Variants in BRAT1 observed in about 807,000 individuals in gnomAD.
The protein encoded by BRAT1 is integrator complex assembly factor BRAT1.
A neutral mutation model predicts 70.6 loss-of-function variants in BRAT1; 74 were observed. The ratio of observed to expected loss-of-function variants is 1.05; its 90% CI spans 0.87 to 1.27. BRAT1 has a LOEUF of 1.27. BRAT1 is among the 50% of genes most tolerant of loss of function. BRAT1 has a pLI of 0.00. For synonymous variants in BRAT1, 615 were observed against 517.1 expected (o/e 1.19, Z -2.57); for missense variants, 1,203 against 1,098.2 (o/e 1.10, Z -1.35).
At position 2,543,863 on chromosome 7, in the gene BRAT1, C is replaced by G. The variant is rs571634693; in HGVS notation, c.530G>C (p.Arg177Pro). 3 of 1,612,818 alleles carry G rather than the reference C, an allele frequency of 1.9e-6. No individual in the cohort carries two copies. Among genetic ancestry groups the G allele is most frequent in the East Asian group, 2.2e-5 (1 of 44,860 alleles). ...LLVHVLALSM[R>P]GGAEGQPCLP... is the part of the protein sequence containing the mutation. Reference sequence around the variant, plus strand: ...GCAGGGCTGCCCCTCGGCTCCACCTCGCATGGACAAAGCCAGGACGTGCAC... The same window carrying G: ...GCAGGGCTGCCCCTCGGCTCCACCTGGCATGGACAAAGCCAGGACGTGCAC... Residue 177 changes from arginine to proline, a missense_variant, in exon 5 of 14, where the codon CGA becomes CCA. Arg to Pro is a moderately radical substitution (Grantham distance 103, BLOSUM62 -2). Coordinates refer to ENST00000340611, the MANE Select transcript of BRAT1 (RefSeq NM_152743.4). The surrounding 1 kb of genome is among the most constrained non-coding windows in gnomAD (Gnocchi z 5.5).
intron 2 of BRAT1, among the ~76,000 whole-genome samples, chr7:2,550,171 A>G (rs1426348274): frequency 7.7e-6 from 1 of 129,146 alleles, no homozygotes; most frequent in East Asian, 2.0e-4. Flanking sequence ...TCCAAAAAAA[A>G]AAGAAAAAAA....
At chr7:2,552,558 C>T (rs539389892) in intron 2 of BRAT1, among the ~76,000 whole-genome samples, 30 of 149,734 alleles carry the variant, frequency 2.0e-4, no homozygotes, top group Admixed American at 3.3e-4. Flanking sequence ...AGACCCCATC[C>T]TTAAAAAAAA....
chr7:2,548,052 C>G (rs4721777), intron 2 of BRAT1, among the ~76,000 whole-genome samples: 2 of 147,730 alleles, frequency 1.4e-5, no homozygotes, highest in African/African-American at 5.1e-5. Context: ...TCATTGCACA[C>G]GGCACACTCC....
At chr7:2,551,426 C>A (rs4719567) in intron 2 of BRAT1, among the ~76,000 whole-genome samples, 95 of 151,678 alleles carry the variant, frequency 6.3e-4, no homozygotes, top group African/African-American at 2.2e-3. Flanking sequence ...CATGGTGGCT[C>A]GCTCCTGTAA....
In BRAT1 at chr7:2,554,386, G is replaced by T; in HGVS notation, c.46C>A (p.Leu16Met). The change falls in exon 2 of 14, where the codon CTG becomes ATG. Residue 16 changes from leucine (L) to methionine (M), a missense_variant. Physicochemically the swap from Leu to Met is conservative, Grantham distance 15. Coordinates refer to ENST00000340611, the MANE Select transcript of BRAT1 (RefSeq NM_152743.4). ...AQLLPALCAV[L>M]VDPRQPVADD... ...GCCACCGGCTGCCTGGGATCTACCA[G>T]AACAGCACAGAGAGCCGGGAGCAGC... is the stretch of plus-strand genomic sequence containing the variant. The T allele has an allele frequency of 6.2e-7, 1 of 1,614,028 alleles. No homozygotes were observed. The highest frequency in any genetic ancestry group is 1.1e-5 in the South Asian group (1 of 91,066).
At chr7:2,541,157 T>A (rs1478765100) in intron 9 of BRAT1, 105 bp from the exon 10 acceptor site, 1 of 1,284,886 alleles carries the variant, frequency 7.8e-7, no homozygotes, top group Non-Finnish European at 1.0e-6. Flanking sequence ...AGCTGAAACC[T>A]CCTGCACGGC....
At position 2,538,711 on chromosome 7, in the gene BRAT1, TGGGAAGCCCTCCGA is replaced by T. The variant is rs1778893726; in HGVS notation, c.1810_1823del (p.Ser604ThrfsTer10). ...TGAAGACTTGCATGACCGCCCGCCG[TGGGAAGCCCTCCGA>T]GTCTACGGAGAGGATGTGCAGGAGC... is the stretch of plus-strand genomic sequence containing the variant. On this transcript the variant is annotated frameshift_variant, in exon 14 of 14. Coordinates refer to ENST00000340611, the MANE Select transcript of BRAT1 (RefSeq NM_152743.4). LOFTEE classifies it low-confidence loss of function (END_TRUNC). 1.3e-6 allele frequency: 2 copies of T among 1,598,260 alleles called. No individual in the cohort carries two copies. The highest frequency in any genetic ancestry group is 2.2e-5 in the South Asian group (2 of 91,090).
intron 13 of BRAT1, 173 bp from the exon 14 acceptor site, chr7:2,538,937 T>C: frequency 6.9e-7 from 1 of 1,451,914 alleles, no homozygotes; most frequent in South Asian, 1.4e-5. Context: ...AATCCTCAGT[T>C]TACCCATCTG....
intron 2 of BRAT1, among the ~76,000 whole-genome samples, chr7:2,552,120 T>A (rs1780084564): frequency 3.6e-5 from 2 of 55,460 alleles, no homozygotes; most frequent in Admixed American, 3.9e-4. Context: ...TTTTTTTTTT[T>A]TTTTTTTTTT....
intron 2 of BRAT1, among the ~76,000 whole-genome samples, chr7:2,552,106 ATTTTT>A (rs1174942520): frequency 1.8e-3 from 25 of 14,182 alleles, no homozygotes; most frequent in Admixed American, 5.7e-3. Flanking sequence ...ATATATATAT[ATTTTT>A]TTTTTTTTTT....
In BRAT1 at chr7:2,539,181, G is replaced by C. The variant is rs746081291; in HGVS notation, c.1768C>G (p.Gln590Glu). ...CTGAGGAACCTGCCACCTCCTACCT[G>C]CCGGGCCTCTGCATGCTCAGGGCTG... The part of the protein sequence containing the change: ...PTSPEHAEAR[Q>E]SLFLELLHIL... Residue 590 changes from glutamine to glutamate, a missense_variant and splice_region_variant, in exon 13 of 14, where the codon CAG becomes GAG. Physicochemically the swap from Gln to Glu is conservative, Grantham distance 29. Coordinates refer to ENST00000340611, the MANE Select transcript of BRAT1 (RefSeq NM_152743.4). 8.1e-6 allele frequency: 13 copies of C among 1,597,106 alleles called. No individual in the cohort carries two copies. Among genetic ancestry groups the C allele is most frequent in the African/African-American group, 5.4e-5 (4 of 74,672 alleles).
intron 10 of BRAT1, 190 bp from the exon 11 acceptor site, chr7:2,540,078 C>T (rs1427740939): frequency 3.7e-6 from 2 of 537,784 alleles, no homozygotes; most frequent in Non-Finnish European, 6.5e-6. Context: ...CCAGGCTGGA[C>T]TGCAATCACA....
At chr7:2,541,261 G>A (rs1202005815) in intron 9 of BRAT1, 37 bp downstream of exon 9, 3 of 1,533,632 alleles carry the variant, frequency 2.0e-6, no homozygotes, top group Middle Eastern at 1.7e-4. Flanking sequence ...GGGGCACAGG[G>A]ATAGCCCCAC....
intron 2 of BRAT1, among the ~76,000 whole-genome samples, chr7:2,549,723 G>A (rs1298281425): frequency 6.6e-6 from 1 of 152,170 alleles, no homozygotes; most frequent in Admixed American, 6.6e-5. Context: ...GCAATGTGGT[G>A]TTTCTAAAAG....
intron 2 of BRAT1, among the ~76,000 whole-genome samples, chr7:2,553,523 A>AT (rs35394843): frequency 0.45 from 68,139 of 151,534 alleles, 16,915 homozygotes; most frequent in African/African-American, 0.67. Flanking sequence ...GTATGACCTC[A>AT]TTTTTTTTTC....
chr7:2,540,214 G>T, intron 10 of BRAT1: 1 of 289,052 alleles, frequency 3.5e-6, no homozygotes, highest in East Asian at 6.5e-5. Flanking sequence ...CTACCCCTGA[G>T]CTATACTCCT....
chr7:2,550,520 A>G (rs1779932224), intron 2 of BRAT1, among the ~76,000 whole-genome samples: 1 of 148,236 alleles, frequency 6.7e-6, no homozygotes, highest in Non-Finnish European at 1.5e-5. Flanking sequence ...GAAAAAAATA[A>G]TATGTAAAGC....
At chr7:2,554,570 A>T (rs781504012) in intron 1 of BRAT1, 123 bp from the exon 2 acceptor site, 2 of 1,199,236 alleles carry the variant, frequency 1.7e-6, no homozygotes, top group Non-Finnish European at 2.3e-6. Flanking sequence ...ATCTCAGACC[A>T]GGAGAACCAT....
intron 3 of BRAT1, among the ~76,000 whole-genome samples, chr7:2,545,559 G>A (rs990833104): frequency 6.9e-6 from 1 of 145,924 alleles, no homozygotes; most frequent in Non-Finnish European, 1.5e-5. Context: ...GGCACATCTC[G>A]GCTCACTGCA....
Sources: gnomAD v4.1 joint callset for allele counts (sites outside exome capture counted in the v4.1 genomes callset) on GRCh38, gnomAD v4.1.1 for gene constraint, Gnocchi (gnomAD v3.1) non-coding constraint, MANE v1.5 for transcripts, NCBI Gene and HGNC (gene_info 2026-07-23, HGNC 2026-07-21) for gene names.